The following PIEZO1 variants were observed in gnomAD, a reference collection of about 807,000 sequenced individuals.
PIEZO1 encodes the protein piezo type mechanosensitive ion channel component 1 (Er blood group).
Under a neutral mutation model 297.2 loss-of-function variants are expected in PIEZO1, and 296 were observed. The ratio of observed to expected loss-of-function variants is 1.00; its 90% CI spans 0.91 to 1.10. The LOEUF (loss-of-function observed/expected upper bound fraction) is 1.10. Ranked by LOEUF, PIEZO1 falls within the 50% of genes least tolerant of loss-of-function variation. The pLI is 0.00. For missense variants in PIEZO1, 5,018 were observed against 3,455.5 expected, an observed-to-expected ratio of 1.45 and a Z score of -11.34; for synonymous variants, 2,427 against 1,507.5, an observed-to-expected ratio of 1.61 and a Z score of -14.13.
chr16:88,725,055 G>A lies in PIEZO1; in HGVS notation c.4188C>T (p.Ser1396=), dbSNP rs1226580456. 7 of 1,500,938 alleles carry A rather than the reference G, an allele frequency of 4.7e-6. No homozygotes were observed. Among genetic ancestry groups the A allele is most frequent in the African/African-American group, 2.9e-5 (2 of 69,688 alleles). 93.0% of individuals were successfully genotyped at this position (1,500,938 alleles called of 1,614,324 possible). ...EPGPDSPGGS[S]PPRRQWWRPW... is the part of the protein sequence containing the mutation. ...GCCGCCACCACTGCCTCCGTGGCGG[G>A]GAGGAGCCCCCTGGACTGTCGGGCC... Residue 1396 remains serine, a synonymous_variant, in exon 30 of 51, where the codon TCC becomes TCT. Transcript: ENST00000301015.
Position 88,715,339 on chromosome 16 carries a change from C to CTGAT in PIEZO1, c.*262_*265dup, listed in dbSNP as rs771568737. ...GAAGGCAAGGACGGGGGACTGGCCT[C>CTGAT]TGATTGTCCATTTGTATAAATAAAA... is the stretch of plus-strand genomic sequence containing the variant. On this transcript the variant is annotated 3_prime_UTR_variant, in exon 51 of 51. Transcript: ENST00000301015. The CTGAT allele has an allele frequency of 5.0e-5, 67 of 1,335,228 alleles. No individual in the cohort carries two copies. Among genetic ancestry groups the CTGAT allele is most frequent in the Middle Eastern group, 2.1e-4 (1 of 4,804 alleles). 82.7% of individuals were successfully genotyped at this position (1,335,228 alleles called of 1,614,324 possible).
At chr16:88,743,013 G>A (rs912329139) in intron 2 of PIEZO1, 1 of 454,764 alleles carries the variant, frequency 2.2e-6, no homozygotes, top group East Asian at 7.0e-5. Flanking sequence ...GGCATTTCAG[G>A]CACCTGCTGT....
chr16:88,732,666 C>T lies in PIEZO1; in HGVS notation c.2731G>A (p.Val911Met), dbSNP rs554899632. 60 of 1,549,666 alleles carry T rather than the reference C, an allele frequency of 3.9e-5. No homozygotes were observed. Among genetic ancestry groups the T allele is most frequent in the African/African-American group, 1.1e-4 (8 of 73,160 alleles). Residue 911 changes from valine (V) to methionine (M), a missense_variant, in exon 20 of 51, where the codon GTG becomes ATG. Val to Met is a conservative substitution (Grantham distance 21, BLOSUM62 1). Coordinates refer to ENST00000301015, the MANE Select transcript of PIEZO1 (RefSeq NM_001142864.4). ...ISQSLLYRGP[V>M]DPANWFGVRK... is the part of the protein sequence containing the mutation. The stretch of plus-strand genomic sequence containing the variant: ...ACCCCAAACCAGTTGGCAGGGTCCA[C>T]GGGCCCCCGGTACAGCAGGGACTGG...
At position 88,742,354 on chromosome 16, in the gene PIEZO1, G is replaced by C; in HGVS notation, c.229C>G (p.Leu77Val). ...SLLFLVAHLALQICLHIVPRL... is the reference protein window; with the variant it reads ...SLLFLVAHLAVQICLHIVPRL... ...GGCACAATATGCAGGCAGATCTGGA[G>C]GGCGAGATGGGCCACCAGGAAGAGC... Residue 77 changes from leucine (L) to valine (V), a missense_variant, in exon 3 of 51, where the codon CTC (leucine) becomes GTC (valine). Coordinates refer to ENST00000301015, the MANE Select transcript of PIEZO1 (RefSeq NM_001142864.4). 6.5e-7 allele frequency: 1 copy of C among 1,535,464 alleles called. No homozygotes were observed. The highest frequency in any genetic ancestry group is 8.7e-7 in the Non-Finnish European group (1 of 1,146,628).
intron 21 of PIEZO1, 38 bp downstream of exon 21, chr16:88,732,297 A>C: frequency 6.6e-7 from 1 of 1,521,540 alleles, no homozygotes; most frequent in Non-Finnish European, 8.9e-7. Flanking sequence ...CCCGAAGGCC[A>C]AGCCCTGCCC....
intron 12 of PIEZO1, 61 bp downstream of exon 12, chr16:88,736,087 G>A: frequency 1.4e-6 from 2 of 1,467,758 alleles, no homozygotes; most frequent in Non-Finnish European, 9.1e-7. Flanking sequence ...CATTGAACAG[G>A]ACGACAACCC....
At chr16:88,743,083 G>A (rs1388346424) in intron 2 of PIEZO1, 4 of 456,476 alleles carry the variant, frequency 8.8e-6, no homozygotes, top group African/African-American at 2.0e-5. Context: ...CACCTGGCAG[G>A]AAGCGGCAGC....
chr16:88,721,050 G>T, intron 39 of PIEZO1, 116 bp downstream of exon 39: 1 of 1,098,514 alleles, frequency 9.1e-7, no homozygotes, highest in Non-Finnish European at 1.3e-6. Context: ...CACCTTCCTG[G>T]GATCCAGGTG....
At position 88,716,908 on chromosome 16, in the gene PIEZO1, GCACGGGGA is replaced by G. The variant is rs1295001916; in HGVS notation, c.6661-18_6661-11del. On this transcript the variant is annotated splice_polypyrimidine_tract_variant and intron_variant, in intron 45 of 50. Transcript: ENST00000301015. The stretch of plus-strand genomic sequence containing the variant: ...TCATGGTGAACAGCGGCTGGGGCAG[GCACGGGGA>G]CACGGGGCCACGAAGATGAGCGTGG... 6.5e-7 allele frequency: 1 copy of G among 1,549,280 alleles called. No homozygotes were observed. The highest frequency in any genetic ancestry group is 2.4e-5 in the East Asian group (1 of 40,930).
intron 35 of PIEZO1, 92 bp downstream of exon 35, chr16:88,722,491 G>A (rs957563607): frequency 2.8e-6 from 4 of 1,433,406 alleles, no homozygotes; most frequent in African/African-American, 1.4e-5. Context: ...ACGGTCCTTT[G>A]GGGTACAAGG....
At position 88,733,261 on chromosome 16, in the gene PIEZO1, C is replaced by T. The variant is rs1414206240; in HGVS notation, c.2664+17G>A. ...TGCCTGGAGCTTCCTCCCGTCCCAG[C>T]CCTCGGGGGCCGGTACCTCGGTGCA... On this transcript the variant is annotated intron_variant, in intron 19 of 50. Transcript: ENST00000301015. 3 of 1,532,466 alleles carry T rather than the reference C, an allele frequency of 2.0e-6. No homozygotes were observed. The highest frequency in any genetic ancestry group is 2.0e-5 in the Admixed American group (1 of 50,618). The allele number at this position is 1,532,466 out of a possible 1,614,324, so 94.9% of individuals were successfully genotyped here.
chr16:88,720,569 G>GCCGCCCCCCCCCCCCA, intron 40 of PIEZO1, 37 bp from the exon 41 acceptor site: 1 of 1,216,660 alleles, frequency 8.2e-7, no homozygotes, highest in Non-Finnish European at 1.1e-6. Flanking sequence ...CCCAGTACCC[G>GCCGCCCCCCCCCCCCA]CCTCCCCACC....
At chr16:88,763,385 A>G (rs1038637168) in intron 1 of PIEZO1, among the ~76,000 whole-genome samples, 3 of 152,212 alleles carry the variant, frequency 2.0e-5, no homozygotes, top group Non-Finnish European at 4.4e-5. Flanking sequence ...CTTCATCTAG[A>G]AAGTAGCAGT....
chr16:88,741,397 G>A (rs1905646028), intron 5 of PIEZO1, 81 bp downstream of exon 5: 1 of 1,274,992 alleles, frequency 7.8e-7, no homozygotes, highest in African/African-American at 1.5e-5. Flanking sequence ...GTTTTAAAAA[G>A]ATTAAAATAA....
At chr16:88,760,576 C>T (rs768564681) in intron 1 of PIEZO1, among the ~76,000 whole-genome samples, 4 of 152,104 alleles carry the variant, frequency 2.6e-5, no homozygotes, top group Non-Finnish European at 5.9e-5. Context: ...CCGAGGGGAA[C>T]GACCCGCCTT....
At chr16:88,742,907 G>C (rs1024426759) in intron 2 of PIEZO1, 1 of 372,802 alleles carries the variant, frequency 2.7e-6, no homozygotes, top group Non-Finnish European at 5.4e-6. Context: ...AGAAAAGTGG[G>C]GCAGGCAGCT....
At chr16:88,776,327 G>A (rs942971231) in intron 1 of PIEZO1, among the ~76,000 whole-genome samples, 83 of 152,300 alleles carry the variant, frequency 5.4e-4, no homozygotes, top group Non-Finnish European at 4.1e-4. Flanking sequence ...CCAGCTACTC[G>A]GGAGGCTGAG....
chr16:88,716,645 G>C lies in PIEZO1; in HGVS notation c.6840C>G (p.Ile2280Met). ...TCATCTGGGCACGGCTGGGGGGACT[G>C]ATGCGCCACAGCGCCCCGGAGCTGC... ...IEGSSGALWRISPPSRAQMKR... is the reference protein window; with the variant it reads ...IEGSSGALWRMSPPSRAQMKR... Residue 2280 changes from isoleucine to methionine, a missense_variant, in exon 47 of 51, where the codon ATC (isoleucine) becomes ATG (methionine). Coordinates refer to ENST00000301015, the MANE Select transcript of PIEZO1 (RefSeq NM_001142864.4). 6.5e-7 allele frequency: 1 copy of C among 1,549,632 alleles called. No homozygotes were observed. Among genetic ancestry groups the C allele is most frequent in the South Asian group, 1.2e-5 (1 of 84,046 alleles).
rs781267332 is a variant in PIEZO1, at chr16:88,733,493, G to C, written c.2488-39C>G. 10 of 1,533,636 alleles carry C rather than the reference G, an allele frequency of 6.5e-6. No individual in the cohort carries two copies. The South Asian group carries it at 9.6e-5, about 15-fold the overall frequency. Reference sequence around the variant, plus strand: ...GCACGTGGGGCTGGGCTTGGGGAGGGCAGTGGGCACGTGGGGCTGGGCTTG... The same window carrying C: ...GCACGTGGGGCTGGGCTTGGGGAGGCCAGTGGGCACGTGGGGCTGGGCTTG... On this transcript the variant is annotated intron_variant, in intron 18 of 50. Coordinates refer to ENST00000301015, the MANE Select transcript of PIEZO1 (RefSeq NM_001142864.4).
Sources: allele counts gnomAD v4.1 joint callset (sites outside exome capture counted in the v4.1 genomes callset), GRCh38; gene constraint gnomAD v4.1.1; transcripts MANE v1.5; gene names NCBI Gene and HGNC (gene_info 2026-07-23, HGNC 2026-07-21).